GPHN: variants seen among roughly 807,000 people sequenced by gnomAD.
GPHN encodes the protein gephyrin.
In GPHN, 17 loss-of-function variants were observed where a neutral mutation model predicts 95.5. That is an observed-to-expected ratio of 0.18 (90% CI 0.12 to 0.27). The LOEUF (loss-of-function observed/expected upper bound fraction) is 0.27, where lower values mean the gene tolerates loss of function less well. GPHN is among the 10% of genes least tolerant of loss of function. The pLI, the probability that GPHN is intolerant of heterozygous loss-of-function variation, is 1.00. For missense variants in GPHN, 660 were observed against 978.1 expected (o/e 0.67, Z 4.34); for synonymous variants, 320 against 322.5 (o/e 0.99, Z 0.08).
At chr14:67,733,173 C>A in the GPHN span, among the ~76,000 whole-genome samples, 3 of 152,032 alleles carry the variant, frequency 2.0e-5, no homozygotes, top group South Asian at 6.2e-4. Flanking sequence ...CTGTGTTCTG[C>A]TCCCACCCCC....
chr14:66,979,563 T>G (rs980264351), intron 9 of GPHN, among the ~76,000 whole-genome samples: 4 of 152,228 alleles, frequency 2.6e-5, no homozygotes, highest in Non-Finnish European at 5.9e-5. Flanking sequence ...TTGGTCTGGA[T>G]TTGGCTTTGG....
At chr14:67,260,492 A>G in the GPHN span, among the ~76,000 whole-genome samples, 2 of 152,334 alleles carry the variant, frequency 1.3e-5, no homozygotes, top group Non-Finnish European at 2.9e-5. Context: ...CAATTAATAG[A>G]CATTCTGATT....
At chr14:67,688,194 C>G in the GPHN span, among the ~76,000 whole-genome samples, 1 of 152,176 alleles carries the variant, frequency 6.6e-6, no homozygotes, top group Non-Finnish European at 1.5e-5. Flanking sequence ...AATAAGGTCC[C>G]CCCAAGACTC....
At chr14:67,648,033 C>T in the GPHN span, 3 of 1,594,214 alleles carry the variant, frequency 1.9e-6, no homozygotes, top group Non-Finnish European at 2.6e-6. Flanking sequence ...TTATTTTATC[C>T]TCTTCCTTTT....
intron 5 of GPHN, among the ~76,000 whole-genome samples, chr14:66,889,770 A>G (rs566305334): frequency 6.6e-6 from 1 of 152,186 alleles, no homozygotes. Context: ...TAAAAATTAG[A>G]GCAGAGATAA....
chr14:66,873,267 G>C (rs539790738), intron 4 of GPHN, among the ~76,000 whole-genome samples: 3 of 152,170 alleles, frequency 2.0e-5, no homozygotes, highest in African/African-American at 7.2e-5. Context: ...TTTGCAAACC[G>C]CAGACCAGGA....
At chr14:67,354,734 C>A in the GPHN span, among the ~76,000 whole-genome samples, 1 of 152,170 alleles carries the variant, frequency 6.6e-6, no homozygotes, top group African/African-American at 2.4e-5. Context: ...CAAAAACTGG[C>A]AAGAGTTACC....
At chr14:66,979,105 A>G (rs2070472454) in intron 9 of GPHN, among the ~76,000 whole-genome samples, 1 of 152,234 alleles carries the variant, frequency 6.6e-6, no homozygotes. Flanking sequence ...TTTGTAGAGC[A>G]CAGGCAGGGT....
chr14:66,839,759 G>A (rs905495427), intron 4 of GPHN, among the ~76,000 whole-genome samples: 2 of 152,028 alleles, frequency 1.3e-5, no homozygotes, highest in South Asian at 2.1e-4. Context: ...TATTGTTAGG[G>A]TATGTATTTA....
At chr14:66,914,819 T>A (rs1329836177) in intron 5 of GPHN, among the ~76,000 whole-genome samples, 1 of 152,036 alleles carries the variant, frequency 6.6e-6, no homozygotes, top group Non-Finnish European at 1.5e-5. Flanking sequence ...CATTTTAGTT[T>A]GGAAAGAAAA....
At chr14:66,845,849 GTGTGTGTGTGTC>G (rs1218695956) in intron 4 of GPHN, among the ~76,000 whole-genome samples, 43 of 151,570 alleles carry the variant, frequency 2.8e-4, no homozygotes, top group Non-Finnish European at 4.1e-4. Flanking sequence ...GTGTGTGTGT[GTGTGTGTGTGTC>G]TGTGTGCGTG....
At chr14:66,633,995 T>A (rs748345016) in intron 1 of GPHN, among the ~76,000 whole-genome samples, 4 of 151,884 alleles carry the variant, frequency 2.6e-5, no homozygotes, top group African/African-American at 7.2e-5. Flanking sequence ...AATTTCTCAT[T>A]CAGGTCATGA....
chr14:66,711,753 C>G (rs1389096329), intron 2 of GPHN, among the ~76,000 whole-genome samples: 3 of 151,840 alleles, frequency 2.0e-5, no homozygotes, highest in Non-Finnish European at 4.4e-5. Context: ...CCCCTACCCC[C>G]CCACAGGCCC....
intron 4 of GPHN, among the ~76,000 whole-genome samples, chr14:66,877,665 T>C (rs928048267): frequency 1.2e-4 from 19 of 152,062 alleles, no homozygotes; most frequent in Admixed American, 1.2e-3. Context: ...ATGCCTAGAA[T>C]ATGACTAACA....
intron 8 of GPHN, among the ~76,000 whole-genome samples, chr14:66,927,921 G>A (rs1484691460): frequency 6.6e-6 from 1 of 152,076 alleles, no homozygotes; most frequent in African/African-American, 2.4e-5. Context: ...TTTTTAATGT[G>A]TTTCTGAATT....
intron 2 of GPHN, among the ~76,000 whole-genome samples, chr14:66,764,327 G>A (rs1421022973): frequency 6.6e-6 from 1 of 152,070 alleles, no homozygotes; most frequent in Non-Finnish European, 1.5e-5. Flanking sequence ...ATCTGCAGGG[G>A]GAGGGAAGGT....
intron 1 of GPHN, among the ~76,000 whole-genome samples, chr14:66,679,962 C>G (rs8015408): frequency 0.31 from 47,275 of 151,954 alleles, 11,175 homozygotes; most frequent in African/African-American, 0.64. Flanking sequence ...TAATTTTCAT[C>G]ATATACCAAA....
At chr14:67,529,643 T>G in the GPHN span, among the ~76,000 whole-genome samples, 1 of 152,300 alleles carries the variant, frequency 6.6e-6, no homozygotes, top group Non-Finnish European at 1.5e-5. Context: ...GTCCAATCAC[T>G]GCCTTCCTAG....
intron 5 of GPHN, among the ~76,000 whole-genome samples, chr14:66,896,384 T>G (rs2064849325): frequency 6.6e-6 from 1 of 152,094 alleles, no homozygotes; most frequent in Non-Finnish European, 1.5e-5. Flanking sequence ...TTTGGGAGGC[T>G]GAGGTGGGCT....
Sources: allele counts gnomAD v4.1 joint callset (sites outside exome capture counted in the v4.1 genomes callset), GRCh38; gene constraint gnomAD v4.1.1; transcripts MANE v1.5; gene names NCBI Gene and HGNC (gene_info 2026-07-23, HGNC 2026-07-21).